Variants in MAP4K4 observed in about 807,000 individuals in gnomAD.
MAP4K4 encodes HPK/GCK-like kinase HGK.
MAP4K4 carries 38 observed loss-of-function variants against 189.6 expected under a neutral mutation model. The ratio of observed to expected loss-of-function variants is 0.20; its 90% CI spans 0.15 to 0.26. The LOEUF (loss-of-function observed/expected upper bound fraction) is 0.26, where lower values mean the gene tolerates loss of function less well. Ranked by LOEUF, MAP4K4 falls within the 10% of genes least tolerant of loss-of-function variation. MAP4K4 has a pLI of 1.00. For missense variants in MAP4K4, 1,054 were observed against 1,726.9 expected (o/e 0.61, Z 6.91); for synonymous variants, 610 against 624.3 (o/e 0.98, Z 0.34).
chr2:101,863,708 C>A, intron 16 of MAP4K4, 113 bp from the exon 17 acceptor site: 1 of 585,070 alleles, frequency 1.7e-6, no homozygotes, highest in Non-Finnish European at 3.1e-6. Context: ...AACACTGTAC[C>A]ACCCCGGTGT....
intron 11 of MAP4K4, among the ~76,000 whole-genome samples, chr2:101,843,422 A>G (rs1178436469): frequency 1.3e-5 from 2 of 152,206 alleles, no homozygotes; most frequent in East Asian, 1.9e-4. Context: ...TCCATTTTAG[A>G]CTAAGAATTT....
intron 28 of MAP4K4, among the ~76,000 whole-genome samples, chr2:101,884,128 T>C (rs528521554): frequency 1.6e-4 from 25 of 152,314 alleles, no homozygotes; most frequent in African/African-American, 6.0e-4. Flanking sequence ...ACAGAATGAA[T>C]CACAAGTATT....
At chr2:101,769,833 T>G (rs912037857) in intron 2 of MAP4K4, among the ~76,000 whole-genome samples, 3 of 151,982 alleles carry the variant, frequency 2.0e-5, no homozygotes, top group Non-Finnish European at 4.4e-5. Flanking sequence ...CCACCCACCT[T>G]GGCCTCCTAG....
chr2:101,894,110 T>G (rs1288854208), exon 33 of MAP4K4: 1 of 152,580 alleles, frequency 6.6e-6, no homozygotes, highest in Non-Finnish European at 1.5e-5. Context: ...AAGGAATTAT[T>G]TTCCCCCCTT....
At chr2:101,746,487 G>C (rs1002184147) in intron 2 of MAP4K4, among the ~76,000 whole-genome samples, 5 of 151,916 alleles carry the variant, frequency 3.3e-5, no homozygotes, top group Admixed American at 6.6e-5. Context: ...TTATATTCAG[G>C]AGAACTGACT....
intron 3 of MAP4K4, chr2:101,797,275 C>T (rs1320295763): frequency 3.9e-6 from 5 of 1,290,770 alleles, no homozygotes; most frequent in Non-Finnish European, 5.1e-6. Flanking sequence ...TGCTACAGGC[C>T]TTACAGCTTC....
intron 27 of MAP4K4, among the ~76,000 whole-genome samples, chr2:101,879,223 A>G (rs1482338645): frequency 1.4e-5 from 2 of 147,882 alleles, no homozygotes; most frequent in Non-Finnish European, 3.0e-5. Flanking sequence ...AAAAAAATTA[A>G]TAATTATAAT....
intron 2 of MAP4K4, among the ~76,000 whole-genome samples, chr2:101,780,586 C>T (rs530252210): frequency 9.2e-5 from 14 of 152,170 alleles, no homozygotes; most frequent in East Asian, 1.9e-4. Flanking sequence ...CTTCTGATGT[C>T]GTATGAAATC....
At chr2:101,861,025 T>A (rs765376592) in intron 16 of MAP4K4, 39 bp downstream of exon 16, 2 of 1,547,366 alleles carry the variant, frequency 1.3e-6, no homozygotes, top group Non-Finnish European at 1.7e-6. Context: ...AGGAGACTCA[T>A]GCAACGGCTC....
rs141517684 is a variant in MAP4K4, at chr2:101,836,812, G to A, written c.773+834G>A. On this transcript the variant is annotated intron_variant, in intron 9 of 32. Coordinates refer to ENST00000324219, the Ensembl canonical transcript of MAP4K4. The stretch of plus-strand genomic sequence containing the variant: ...AACTCTCATACATTTGTCAAACAGA[G>A]TACTGATACCCGCAGAGAGAGAGGA... 3.3e-5 allele frequency among the ~76,000 whole-genome samples: 5 copies of A among 152,298 alleles called. No individual in the cohort carries two copies. In the East Asian group the frequency reaches 9.7e-4, roughly 29 times the overall value.
intron 27 of MAP4K4, among the ~76,000 whole-genome samples, chr2:101,877,576 A>G (rs2098241968): frequency 3.3e-5 from 5 of 149,348 alleles, no homozygotes; most frequent in Admixed American, 2.7e-4. Context: ...CCCAGGTTCA[A>G]GCAATTCTCC....
exon 8 of MAP4K4, chr2:101,834,422 C>T: frequency 1.2e-6 from 2 of 1,608,490 alleles, no homozygotes; most frequent in Non-Finnish European, 1.7e-6. Context: ...GATCTTTGGT[C>T]TTGTGGCATT....
chr2:101,778,286 G>A lies in MAP4K4; in HGVS notation c.124-12434G>A, dbSNP rs180825008. On this transcript the variant is annotated intron_variant, in intron 2 of 32. Transcript: ENST00000324219. ...TCCGTAGGGCTGTGAGTGCTGGGCT[G>A]TGAGTGCTCACCTCTGCGTGTCTCT... Among the ~76,000 whole-genome samples the A allele has an allele frequency of 9.5e-4, 145 of 152,246 alleles. 1 individual carries two copies. Among genetic ancestry groups the A allele is most frequent in the Admixed American group, 2.4e-3 (36 of 15,296 alleles).
At chr2:101,762,067 ACCGGGAGTCTATTC>A (rs2076718702) in intron 2 of MAP4K4, among the ~76,000 whole-genome samples, 1 of 152,116 alleles carries the variant, frequency 6.6e-6, no homozygotes, top group African/African-American at 2.4e-5. Context: ...AAAAAATAGA[ACCGGGAGTCTATTC>A]CAAGTAGGGT....
intron 27 of MAP4K4, 143 bp downstream of exon 27, chr2:101,877,289 C>A: frequency 1.2e-6 from 1 of 832,442 alleles, no homozygotes; most frequent in Non-Finnish European, 1.9e-6. Flanking sequence ...ATAATGTGAG[C>A]TGAAGACGTA....
At chr2:101,712,225 C>T (rs1343937357) in intron 2 of MAP4K4, among the ~76,000 whole-genome samples, 1 of 151,930 alleles carries the variant, frequency 6.6e-6, no homozygotes, top group African/African-American at 2.4e-5. Flanking sequence ...GATGGAGTGT[C>T]GCTCTGTCAC....
chr2:101,791,314 A>G (rs2092846346), intron 3 of MAP4K4, among the ~76,000 whole-genome samples: 1 of 152,296 alleles, frequency 6.6e-6, no homozygotes, highest in East Asian at 1.9e-4. Context: ...AAATGGTCGC[A>G]TGAGGATTTA....
rs547747177 is a variant in MAP4K4, at chr2:101,837,923, C to T, written c.774-1896C>T. Among the ~76,000 whole-genome samples the T allele has an allele frequency of 2.3e-4, 35 of 152,262 alleles. No individual in the cohort carries two copies. The East Asian group carries it at 2.9e-3, about 13-fold the overall frequency. ...CAAACTTTCTTTAAACTGGGTTAGA[C>T]GGCATATTTCATCCATTTTATATCC... On this transcript the variant is annotated intron_variant, in intron 9 of 32. Coordinates refer to ENST00000324219, the Ensembl canonical transcript of MAP4K4.
chr2:101,703,617 C>CAAAAAAAA (rs58122658), intron 2 of MAP4K4, among the ~76,000 whole-genome samples: 1 of 39,012 alleles, frequency 2.6e-5, no homozygotes, highest in Non-Finnish European at 5.5e-5. Context: ...GACTCTGTCT[C>CAAAAAAAA]AAAAAAAAAA....
Sources: gnomAD v4.1 joint callset for allele counts (sites outside exome capture counted in the v4.1 genomes callset) on GRCh38, gnomAD v4.1.1 for gene constraint, MANE v1.5 for transcripts, NCBI Gene and HGNC (gene_info 2026-07-23, HGNC 2026-07-21) for gene names.